HSF2: variants seen among roughly 807,000 people sequenced by gnomAD.
HSF2 encodes the protein heat shock transcription factor 2.
Under a neutral mutation model 65.0 loss-of-function variants are expected in HSF2, and 21 were observed. The observed-to-expected ratio is 0.32, with a 90% CI of 0.23 to 0.47. HSF2 has a LOEUF of 0.47. Ranked by LOEUF, HSF2 falls within the 20% of genes least tolerant of loss-of-function variation. HSF2 has a pLI of 1.00. For missense variants in HSF2, 499 were observed against 628.1 expected, an observed-to-expected ratio of 0.79 and a Z score of 2.20; for synonymous variants, 225 against 219.1, an observed-to-expected ratio of 1.03 and a Z score of -0.24.
chr6:122,399,879 T>A, intron 1 of HSF2, 49 bp downstream of exon 1: 1 of 1,350,382 alleles, frequency 7.4e-7, no homozygotes, highest in South Asian at 1.2e-5. Context: ...AACCGCCTCC[T>A]CACTCGCTCT....
chr6:122,420,334 C>A, intron 7 of HSF2, 112 bp downstream of exon 7: 1 of 674,502 alleles, frequency 1.5e-6, no homozygotes, highest in Non-Finnish European at 2.3e-6. Flanking sequence ...AAGTGTTCAT[C>A]CCACAGCTTT....
chr6:122,430,344 G>A (rs1472735882), intron 11 of HSF2, among the ~76,000 whole-genome samples: 1 of 152,140 alleles, frequency 6.6e-6, no homozygotes, highest in Non-Finnish European at 1.5e-5. Flanking sequence ...TGTGGGATCA[G>A]TGGTGATATC....
At position 122,412,351 on chromosome 6, in the gene HSF2, CTTT is replaced by C; in HGVS notation, c.94-13_94-11del. 9.8e-6 allele frequency: 11 copies of C among 1,122,266 alleles called. No homozygotes were observed. The highest frequency in any genetic ancestry group is 1.4e-5 in the Non-Finnish European group (11 of 794,098). The allele number at this position is 1,122,266 out of a possible 1,614,324, so 69.5% of individuals were successfully genotyped here. ...TAGGAACTTAACTAATTTACTTTTT[CTTT>C]TTTTTTTTCCCCTTGCAGAATGGCC... On this transcript the variant is annotated intron_variant, in intron 1 of 12. Coordinates refer to ENST00000368455, the MANE Select transcript of HSF2 (RefSeq NM_004506.4).
rs779977078 is a variant in HSF2 at position 122,420,183 on chromosome 6, G to C, written c.642G>C (p.Gln214His). 6.2e-7 allele frequency: 1 copy of C among 1,607,906 alleles called. No individual in the cohort carries two copies. Among genetic ancestry groups the C allele is most frequent in the South Asian group, 1.1e-5 (1 of 90,664 alleles). Residue 214 changes from glutamine (Q) to histidine (H), a missense_variant, in exon 7 of 13, where the codon CAG (glutamine) becomes CAC (histidine). By Grantham distance (24) the Gln-to-His change is conservative. Coordinates refer to ENST00000368455, the MANE Select transcript of HSF2 (RefSeq NM_004506.4). ...TNGAQKKNLF[Q>H]HIVKEPTDNH... Reference sequence around the variant, plus strand: ...GAGCCCAAAAGAAGAACCTGTTTCAGCACATAGTCAAAGAACCAACTGATA... The same window carrying C: ...GAGCCCAAAAGAAGAACCTGTTTCACCACATAGTCAAAGAACCAACTGATA...
At chr6:122,402,407 A>G (rs1773757386) in intron 1 of HSF2, among the ~76,000 whole-genome samples, 1 of 152,218 alleles carries the variant, frequency 6.6e-6, no homozygotes, top group Non-Finnish European at 1.5e-5. Context: ...TTAGGTGGAA[A>G]AACCAAAATA....
At chr6:122,429,552 C>T (rs1197608410) in intron 11 of HSF2, among the ~76,000 whole-genome samples, 1 of 152,064 alleles carries the variant, frequency 6.6e-6, no homozygotes. Context: ...ATGCCTTATA[C>T]TTCTCAGTAC....
chr6:122,412,340 ATTTACT>A (rs768235154), intron 1 of HSF2, 27 bp from the exon 2 acceptor site: 1 of 1,285,416 alleles, frequency 7.8e-7, no homozygotes, highest in Non-Finnish European at 1.1e-6. Flanking sequence ...AACTTAACTA[ATTTACT>A]TTTTCTTTTT....
rs770437959 is a variant in HSF2 at position 122,432,114 on chromosome 6, G to A, written c.1505G>A (p.Arg502His). 1.1e-5 allele frequency: 18 copies of A among 1,613,948 alleles called. No homozygotes were observed. The highest frequency in any genetic ancestry group is 4.5e-5 in the East Asian group (2 of 44,898). The change falls in exon 13 of 13, where the codon CGC (arginine) becomes CAC (histidine). Residue 502 changes from arginine to histidine, a missense_variant. Coordinates refer to ENST00000368455, the MANE Select transcript of HSF2 (RefSeq NM_004506.4). ...GAACCAACCCAAAGTAAGCTTGTTC[G>A]CCTGGAGCCATTGACTGAAGCTGAA... ...DPEPTQSKLV[R>H]LEPLTEAEAS...
chr6:122,432,313 T>G lies in HSF2; in HGVS notation c.*93T>G. 9.4e-7 allele frequency: 1 copy of G among 1,066,684 alleles called. No homozygotes were observed. The highest frequency in any genetic ancestry group is 1.4e-6 in the Non-Finnish European group (1 of 732,914). The allele number at this position is 1,066,684 out of a possible 1,614,324, so 66.1% of individuals were successfully genotyped here. ...ATTTGGTACTTTTTTTGTAAATTGC[T>G]TTGTTTTGTTTAATCAGATACTGTG... On this transcript the variant is annotated 3_prime_UTR_variant, in exon 13 of 13. Coordinates refer to ENST00000368455, the MANE Select transcript of HSF2 (RefSeq NM_004506.4).
rs368804491 is a variant in HSF2 at position 122,408,335 on chromosome 6, TAAA to T, written c.94-4027_94-4025del. Among the ~76,000 whole-genome samples, 4 of 133,080 alleles carry T rather than the reference TAAA, an allele frequency of 3.0e-5. No individual in the cohort carries two copies. In the East Asian group the frequency reaches 6.4e-4, roughly 21 times the overall value. 87.3% of individuals were successfully genotyped at this position (133,080 alleles called of 152,430 possible). ...ACATATGTTTTAAAATCAAGTTCCATAAAAAAAAAAAAAGCCTTTTGGATTTTT... is the reference window on the plus strand; with the variant it reads ...ACATATGTTTTAAAATCAAGTTCCATAAAAAAAAAAGCCTTTTGGATTTTT... On this transcript the variant is annotated intron_variant, in intron 1 of 12. Transcript: ENST00000368455.
At chr6:122,420,785 C>T (rs1465860232) in intron 7 of HSF2, among the ~76,000 whole-genome samples, 1 of 121,228 alleles carries the variant, frequency 8.2e-6, no homozygotes. Context: ...GATCTTGGCT[C>T]ACTGCAGCCT....
Position 122,418,091 on chromosome 6 carries a change from CTATT to C in HSF2, c.532-1074_532-1071del, listed in dbSNP as rs373791927. On this transcript the variant is annotated intron_variant, in intron 5 of 12. Transcript: ENST00000368455. ...ATAGATATTTTTAATTGATAATACT[CTATT>C]TAATCATGTAACTTCACAAAGCTTA... 3.0e-3 allele frequency among the ~76,000 whole-genome samples: 464 copies of C among 152,264 alleles called. 2 individuals carry two copies. Among genetic ancestry groups the C allele is most frequent in the African/African-American group, 0.011 (441 of 41,572 alleles).
chr6:122,413,015 G>GTACC, intron 3 of HSF2, among the ~76,000 whole-genome samples: 1 of 151,544 alleles, frequency 6.6e-6, no homozygotes, highest in Non-Finnish European at 1.5e-5. Flanking sequence ...TGTACATCCA[G>GTACC]TACCTACAAT....
At chr6:122,420,494 G>T (rs1258288359) in intron 7 of HSF2, among the ~76,000 whole-genome samples, 1 of 151,670 alleles carries the variant, frequency 6.6e-6, no homozygotes, top group Non-Finnish European at 1.5e-5. Flanking sequence ...TACCCTAGAG[G>T]TAATCACTAT....
At chr6:122,408,132 T>G (rs1451112790) in intron 1 of HSF2, among the ~76,000 whole-genome samples, 1 of 152,038 alleles carries the variant, frequency 6.6e-6, no homozygotes, top group African/African-American at 2.4e-5. Context: ...AACATAGAAT[T>G]TTGGGGGACA....
chr6:122,407,725 C>T (rs1198994043), intron 1 of HSF2, among the ~76,000 whole-genome samples: 1 of 152,020 alleles, frequency 6.6e-6, no homozygotes, highest in South Asian at 2.1e-4. Flanking sequence ...CTTCCTTTTC[C>T]AATGATCTAT....
chr6:122,401,272 C>T (rs921232025), intron 1 of HSF2, among the ~76,000 whole-genome samples: 2 of 152,144 alleles, frequency 1.3e-5, no homozygotes, highest in Admixed American at 6.5e-5. Flanking sequence ...AAACACATGT[C>T]TCATGCTTTT....
At chr6:122,424,643 C>A (rs188734682) in intron 10 of HSF2, among the ~76,000 whole-genome samples, 130 of 152,114 alleles carry the variant, frequency 8.5e-4, no homozygotes, top group Admixed American at 2.3e-3. Flanking sequence ...ATTTCTTTTC[C>A]ATTTTGACCT....
chr6:122,407,852 G>A (rs1291132009), intron 1 of HSF2, among the ~76,000 whole-genome samples: 2 of 152,100 alleles, frequency 1.3e-5, no homozygotes, highest in Non-Finnish European at 2.9e-5. Context: ...ATTTTTTACA[G>A]TTCTGGAGGT....
Sources: gnomAD v4.1 joint callset for allele counts (sites outside exome capture counted in the v4.1 genomes callset) on GRCh38, gnomAD v4.1.1 for gene constraint, MANE v1.5 for transcripts, NCBI Gene and HGNC (gene_info 2026-07-23, HGNC 2026-07-21) for gene names.